The following NKAIN2 variants were observed in gnomAD, a reference collection of about 807,000 sequenced individuals.
The protein encoded by NKAIN2 is sodium/potassium transporting ATPase interacting 2, also known as sodium/potassium-transporting ATPase subunit beta-1-interacting protein 2.
Under a neutral mutation model 32.6 loss-of-function variants are expected in NKAIN2, and 14 were observed. The observed-to-expected ratio is 0.43, with a 90% confidence interval of 0.28 to 0.67. NKAIN2 has a LOEUF of 0.67. NKAIN2 is among the 30% of genes least tolerant of loss of function. NKAIN2 has a pLI of 0.17. For synonymous variants in NKAIN2, 80 were observed against 87.2 expected, an observed-to-expected ratio of 0.92 and a Z score of 0.46; for missense variants, 198 against 258.3, an observed-to-expected ratio of 0.77 and a Z score of 1.60.
intron 1 of NKAIN2, among the ~76,000 whole-genome samples, chr6:123,977,494 T>C (rs1299485544): frequency 6.6e-6 from 1 of 152,170 alleles, no homozygotes; most frequent in Non-Finnish European, 1.5e-5. Context: ...TTTAATCAAA[T>C]GGTTATCAAA....
intron 1 of NKAIN2, among the ~76,000 whole-genome samples, chr6:124,253,006 A>G (rs143307705): frequency 1.2e-3 from 185 of 152,334 alleles, no homozygotes; most frequent in African/African-American, 4.2e-3. Context: ...TACTTCTCAG[A>G]ATCCATAAGA....
intron 1 of NKAIN2, among the ~76,000 whole-genome samples, chr6:124,028,388 A>G (rs1412295290): frequency 9.5e-6 from 1 of 104,868 alleles, no homozygotes; most frequent in Non-Finnish European, 1.8e-5. Context: ...AAGTAGGGCC[A>G]CTTGAGGTGG....
intron 1 of NKAIN2, among the ~76,000 whole-genome samples, chr6:124,079,459 A>G (rs890178753): frequency 3.9e-5 from 6 of 152,192 alleles, no homozygotes; most frequent in African/African-American, 1.4e-4. Flanking sequence ...TCTGTCCTCC[A>G]TATGAAAATA....
At chr6:124,613,398 A>T (rs9491203) in intron 3 of NKAIN2, among the ~76,000 whole-genome samples, 24,793 of 152,082 alleles carry the variant, frequency 0.16, 2,157 homozygotes, top group Middle Eastern at 0.23. Context: ...ACTTTGAATA[A>T]ATATCTCCTG....
At chr6:124,813,878 T>C (rs1276546709) in intron 5 of NKAIN2, among the ~76,000 whole-genome samples, 1 of 152,294 alleles carries the variant, frequency 6.6e-6, no homozygotes, top group East Asian at 1.9e-4. Context: ...CTAGCTGCCA[T>C]CAAAATTACC....
chr6:124,569,732 C>T (rs1028641491), intron 3 of NKAIN2, among the ~76,000 whole-genome samples: 1 of 152,162 alleles, frequency 6.6e-6, no homozygotes, highest in Non-Finnish European at 1.5e-5. Flanking sequence ...TCTTTTTCTT[C>T]CCAGTATCAG....
intron 5 of NKAIN2, among the ~76,000 whole-genome samples, chr6:124,800,240 C>G (rs1463293745): frequency 1.3e-5 from 2 of 151,944 alleles, no homozygotes; most frequent in Non-Finnish European, 2.9e-5. Context: ...AAACAGAAGG[C>G]TGTGTTCAGA....
At chr6:124,161,961 T>C (rs1326101884) in intron 1 of NKAIN2, among the ~76,000 whole-genome samples, 1 of 152,054 alleles carries the variant, frequency 6.6e-6, no homozygotes, top group Non-Finnish European at 1.5e-5. Context: ...TTCTAAAAAA[T>C]AAATAAAATA....
intron 4 of NKAIN2, among the ~76,000 whole-genome samples, chr6:124,720,150 G>A (rs1250979987): frequency 1.3e-5 from 2 of 152,140 alleles, no homozygotes; most frequent in African/African-American, 4.8e-5. Flanking sequence ...TGACAAATAA[G>A]TGAAATATGT....
At chr6:123,976,083 G>C (rs115637317) in intron 1 of NKAIN2, among the ~76,000 whole-genome samples, 3 of 151,050 alleles carry the variant, frequency 2.0e-5, no homozygotes, top group Non-Finnish European at 4.4e-5. Flanking sequence ...CATGTCCCAC[G>C]TGCCTTTTGC....
At chr6:124,059,468 A>G (rs564756065) in intron 1 of NKAIN2, among the ~76,000 whole-genome samples, 1 of 152,154 alleles carries the variant, frequency 6.6e-6, no homozygotes, top group East Asian at 1.9e-4. Flanking sequence ...ACCTGTCACC[A>G]TCCTCCCTTC....
intron 4 of NKAIN2, among the ~76,000 whole-genome samples, chr6:124,714,820 A>C (rs715944): frequency 0.46 from 70,182 of 151,984 alleles, 16,668 homozygotes; most frequent in African/African-American, 0.56. Context: ...TCTCAGGGGA[A>C]CTGACAGGCT....
At chr6:124,308,896 A>C (rs1475199276) in intron 2 of NKAIN2, among the ~76,000 whole-genome samples, 1 of 152,214 alleles carries the variant, frequency 6.6e-6, no homozygotes, top group African/African-American at 2.4e-5. Flanking sequence ...CAAAGGATTT[A>C]AAATGGTACA....
At chr6:124,185,225 A>G (rs983958143) in intron 1 of NKAIN2, among the ~76,000 whole-genome samples, 8 of 152,106 alleles carry the variant, frequency 5.3e-5, no homozygotes, top group African/African-American at 1.9e-4. Flanking sequence ...TTATTATCGT[A>G]CAGTAGTTTT....
intron 4 of NKAIN2, among the ~76,000 whole-genome samples, chr6:124,695,953 T>C (rs1290986635): frequency 2.0e-5 from 3 of 152,230 alleles, no homozygotes; most frequent in African/African-American, 7.2e-5. Flanking sequence ...CAGGGGAAAC[T>C]GCTTTTGTGC....
At chr6:124,617,248 A>C (rs1446393825) in intron 3 of NKAIN2, among the ~76,000 whole-genome samples, 1 of 152,290 alleles carries the variant, frequency 6.6e-6, no homozygotes, top group Non-Finnish European at 1.5e-5. Flanking sequence ...ACATAAAAAC[A>C]ACAGCTCTTT....
intron 1 of NKAIN2, among the ~76,000 whole-genome samples, chr6:124,175,186 T>A (rs1789094356): frequency 6.6e-6 from 1 of 152,184 alleles, no homozygotes. Flanking sequence ...GCAGGAATCA[T>A]GTGGCTCTCA....
rs1035073200 is a variant in NKAIN2 at position 124,575,606 on chromosome 6, G to A, written c.274-82580G>A. 3.3e-5 allele frequency among the ~76,000 whole-genome samples: 5 copies of A among 152,192 alleles called. No homozygotes were observed. The South Asian group carries it at 6.2e-4, about 19-fold the overall frequency. ...ATAGCTCTGCTAACCCTTATAAGCA[G>A]GCATTTTCAGTCTTGTGCCACCAGG... On this transcript the variant is annotated intron_variant, in intron 3 of 6. Transcript: ENST00000368417.
At chr6:124,791,440 G>A (rs753685873) in intron 5 of NKAIN2, 41 bp downstream of exon 5, 2 of 1,396,994 alleles carry the variant, frequency 1.4e-6, no homozygotes, top group Non-Finnish European at 2.0e-6. Flanking sequence ...CAAGTTCAAA[G>A]CATCTCCTTT....
Sources: gnomAD v4.1 joint callset for allele counts (sites outside exome capture counted in the v4.1 genomes callset) on GRCh38, gnomAD v4.1.1 for gene constraint, MANE v1.5 for transcripts, NCBI Gene and HGNC (gene_info 2026-07-23, HGNC 2026-07-21) for gene names.